PLEKHA5: variants seen among roughly 807,000 people sequenced by gnomAD.
PLEKHA5 encodes the protein pleckstrin homology domain-containing family A member 5.
Under a neutral mutation model 181.9 loss-of-function variants are expected in PLEKHA5, and 55 were observed. The ratio of observed to expected loss-of-function variants is 0.30; its 90% CI spans 0.24 to 0.38. The LOEUF (loss-of-function observed/expected upper bound fraction) is 0.38. PLEKHA5 is among the 10% of genes least tolerant of loss of function. PLEKHA5 has a pLI of 1.00. For missense variants in PLEKHA5, 1,432 were observed against 1,549.5 expected (o/e 0.92, Z 1.27); for synonymous variants, 535 against 529.4 (o/e 1.01, Z -0.15).
intron 3 of PLEKHA5, among the ~76,000 whole-genome samples, chr12:19,216,793 A>G (rs2058055604): frequency 1.3e-5 from 2 of 152,078 alleles, no homozygotes; most frequent in Admixed American, 6.6e-5. Context: ...GGTTTTTCCT[A>G]TCATGTTTTC....
At chr12:19,352,348 G>A (rs1231702471) in intron 25 of PLEKHA5, among the ~76,000 whole-genome samples, 2 of 150,820 alleles carry the variant, frequency 1.3e-5, no homozygotes, top group Admixed American at 6.7e-5. Flanking sequence ...TCGTGCCATT[G>A]TACTTCAGCC....
At chr12:19,222,275 G>T (rs1047094566) in intron 3 of PLEKHA5, among the ~76,000 whole-genome samples, 1 of 151,976 alleles carries the variant, frequency 6.6e-6, no homozygotes, top group African/African-American at 2.4e-5. Context: ...TTACAGATGG[G>T]TTGGATTTAG....
At chr12:19,317,049 A>G (rs1314846744) in intron 16 of PLEKHA5, among the ~76,000 whole-genome samples, 1 of 152,144 alleles carries the variant, frequency 6.6e-6, no homozygotes, top group African/African-American at 2.4e-5. Context: ...ATTTTCTTAA[A>G]ATTGGTCAAT....
At chr12:19,253,230 ACACC>A (rs1429694331) in intron 3 of PLEKHA5, among the ~76,000 whole-genome samples, 9 of 151,034 alleles carry the variant, frequency 6.0e-5, no homozygotes, top group Middle Eastern at 6.8e-3. Context: ...ACACGCCACC[ACACC>A]TGGCTAATTT....
At chr12:19,239,487 G>A (rs1435430262) in intron 3 of PLEKHA5, among the ~76,000 whole-genome samples, 10 of 152,194 alleles carry the variant, frequency 6.6e-5, no homozygotes, top group Non-Finnish European at 1.3e-4. Flanking sequence ...CAGTGCTTGA[G>A]GATAATGATT....
intron 3 of PLEKHA5, among the ~76,000 whole-genome samples, chr12:19,159,609 A>G (rs2042515389): frequency 6.6e-6 from 1 of 152,144 alleles, no homozygotes; most frequent in African/African-American, 2.4e-5. Flanking sequence ...TAGTTCCAAA[A>G]TAATATTACT....
chr12:19,243,078 G>A (rs1023896828), intron 3 of PLEKHA5: 1 of 152,386 alleles, frequency 6.6e-6, no homozygotes, highest in African/African-American at 2.4e-5. Context: ...GAGAGGAGGA[G>A]GGAAGAGGAG....
intron 15 of PLEKHA5, among the ~76,000 whole-genome samples, chr12:19,301,930 G>A (rs1050194093): frequency 2.6e-5 from 4 of 152,154 alleles, no homozygotes; most frequent in African/African-American, 9.7e-5. Context: ...CCTAGAGAGA[G>A]TGGAAGGCAA....
At chr12:19,188,542 T>C (rs936097611) in intron 3 of PLEKHA5, among the ~76,000 whole-genome samples, 1 of 152,208 alleles carries the variant, frequency 6.6e-6, no homozygotes, top group Admixed American at 6.5e-5. Flanking sequence ...AGATTAGAAA[T>C]GATGTTTCTG....
Position 19,322,628 on chromosome 12 carries a change from A to G in PLEKHA5, c.2409A>G (p.Gly803=), listed in dbSNP as rs138414717. ...TACAAAGGGATGATTTACAAAATGG[A>G]CTGCTTAGTACGTGTCGAGAACTTT... ...VVLQRDDLQN[G]LLSTCRELSR... is the part of the protein sequence containing the mutation. The change falls in exon 20 of 32, where the codon GGA becomes GGG. Residue 803 remains glycine, a synonymous_variant. Transcript: ENST00000429027. The G allele has an allele frequency of 6.2e-7, 1 of 1,613,926 alleles. No homozygotes were observed. Among genetic ancestry groups the G allele is most frequent in the Non-Finnish European group, 8.5e-7 (1 of 1,179,850 alleles).
intron 22 of PLEKHA5, among the ~76,000 whole-genome samples, chr12:19,344,817 A>T (rs1461131937): frequency 6.6e-6 from 1 of 152,140 alleles, no homozygotes; most frequent in Non-Finnish European, 1.5e-5. Flanking sequence ...CATTTAAAAT[A>T]TGTGAAATCG....
chr12:19,194,277 T>C (rs543090577), intron 3 of PLEKHA5, among the ~76,000 whole-genome samples: 6 of 152,288 alleles, frequency 3.9e-5, no homozygotes, highest in African/African-American at 1.2e-4. Flanking sequence ...AGAAATGATT[T>C]TATTATTTTT....
At position 19,253,844 on chromosome 12, in the gene PLEKHA5, G is replaced by C. The variant is rs370098170; in HGVS notation, c.228-96G>C. 3.3e-5 allele frequency: 28 copies of C among 840,542 alleles called. 1 individual carries two copies. Among genetic ancestry groups the C allele is most frequent in the South Asian group, 3.0e-4 (20 of 67,120 alleles). The allele number at this position is 840,542 out of a possible 1,614,324, so 52.1% of individuals were successfully genotyped here. A position where few individuals can be genotyped will look rare whatever the true frequency, so the allele number is the denominator to read the frequency against. On this transcript the variant is annotated intron_variant, in intron 3 of 31. Coordinates refer to ENST00000429027, the MANE Select transcript of PLEKHA5 (RefSeq NM_001256470.2). ...TCAAAAACAAAAAAAAAGGCTGGAA[G>C]TTTGAATTTCATTTCCTTTGTAGAC...
At chr12:19,193,766 G>T (rs1565449547) in intron 3 of PLEKHA5, among the ~76,000 whole-genome samples, 1 of 152,294 alleles carries the variant, frequency 6.6e-6, no homozygotes, top group South Asian at 2.1e-4. Context: ...ATAAAGAAAA[G>T]AAATTTAATT....
intron 5 of PLEKHA5, among the ~76,000 whole-genome samples, chr12:19,256,549 C>T (rs2066918991): frequency 6.6e-6 from 1 of 152,100 alleles, no homozygotes; most frequent in African/African-American, 2.4e-5. Flanking sequence ...TGTTTTTAAG[C>T]ATTACCTGTT....
chr12:19,364,752 C>T (rs879798183), intron 29 of PLEKHA5, among the ~76,000 whole-genome samples: 6 of 151,668 alleles, frequency 4.0e-5, no homozygotes, highest in African/African-American at 9.7e-5. Flanking sequence ...ACCTCTGCCC[C>T]GCCGCCCGAT....
intron 3 of PLEKHA5, among the ~76,000 whole-genome samples, chr12:19,190,255 A>G (rs2050786988): frequency 6.6e-6 from 1 of 152,236 alleles, no homozygotes; most frequent in Non-Finnish European, 1.5e-5. Flanking sequence ...AAGCTAGGAA[A>G]ACTTCCTTAT....
chr12:19,306,308 A>C (rs2083512891), intron 15 of PLEKHA5: 5 of 378,286 alleles, frequency 1.3e-5, no homozygotes. Flanking sequence ...AATTATGAAA[A>C]TTGTGGGGTT....
At chr12:19,300,733 G>A (rs989192808) in intron 15 of PLEKHA5, among the ~76,000 whole-genome samples, 4 of 152,128 alleles carry the variant, frequency 2.6e-5, no homozygotes, top group African/African-American at 9.7e-5. Flanking sequence ...ATAAATCTTT[G>A]AATTAATGGT....
Sources: gnomAD v4.1 joint callset for allele counts (sites outside exome capture counted in the v4.1 genomes callset) on GRCh38, gnomAD v4.1.1 for gene constraint, MANE v1.5 for transcripts, NCBI Gene and HGNC (gene_info 2026-07-23, HGNC 2026-07-21) for gene names.